C2CD2: variants seen among roughly 807,000 people sequenced by gnomAD.
C2CD2 encodes the protein C2 calcium dependent domain containing 2.
Under a neutral mutation model 74.3 loss-of-function variants are expected in C2CD2, and 43 were observed. The ratio of observed to expected loss-of-function variants is 0.58; its 90% CI spans 0.45 to 0.75. The LOEUF is 0.75. Among genes scored for constraint, C2CD2 ranks in the 30% least tolerant of loss-of-function variants. The probability of loss-of-function intolerance (pLI) is 0.00; values close to 1 mark genes in which losing one functional copy is unlikely to be tolerated. For missense variants in C2CD2, 801 were observed against 916.3 expected (o/e 0.87, Z 1.63); for synonymous variants, 422 against 390.7 (o/e 1.08, Z -0.94).
chr21:41,933,025 T>C (rs2065276301), intron 2 of C2CD2, among the ~76,000 whole-genome samples: 1 of 150,222 alleles, frequency 6.7e-6, no homozygotes, highest in South Asian at 2.1e-4. Flanking sequence ...CTCGGCCTTA[T>C]CCTTCCGATC....
chr21:41,894,286 G>T (rs1237326855), intron 13 of C2CD2, among the ~76,000 whole-genome samples: 1 of 152,166 alleles, frequency 6.6e-6, no homozygotes, highest in Non-Finnish European at 1.5e-5. Flanking sequence ...GTTGCTTTTG[G>T]TCACTGTTTT....
rs759641012 is a variant in C2CD2, at chr21:41,888,590, T to C, written c.*534A>G. 1.9e-5 allele frequency: 3 copies of C among 159,362 alleles called. No individual in the cohort carries two copies. The highest frequency in any genetic ancestry group is 2.8e-5 in the Non-Finnish European group (2 of 71,638). The allele number at this position is 159,362 out of a possible 1,614,324, so 9.9% of individuals were successfully genotyped here. A position where few individuals can be genotyped will look rare whatever the true frequency, so the allele number is the denominator to read the frequency against. On this transcript the variant is annotated 3_prime_UTR_variant, in exon 14 of 14. Coordinates refer to ENST00000380486, the MANE Select transcript of C2CD2 (RefSeq NM_015500.2). ...TCAAAATTTCTCTATTAATCCAAAA[T>C]CCTGCCTATGTTCCACTTCCCTGTA...
chr21:41,918,985 G>A, intron 3 of C2CD2, 25 bp from the exon 4 acceptor site: 2 of 1,545,818 alleles, frequency 1.3e-6, no homozygotes, highest in Non-Finnish European at 1.8e-6. Context: ...GTTATTAGAG[G>A]GCCACTCTTT....
chr21:41,911,388 CTTTTT>C (rs58934224), intron 7 of C2CD2, among the ~76,000 whole-genome samples: 2 of 116,756 alleles, frequency 1.7e-5, no homozygotes, highest in Admixed American at 8.8e-5. Flanking sequence ...TATCTCGATT[CTTTTT>C]TTTTTTTTTT....
In C2CD2 at chr21:41,916,455, C is replaced by A. The variant is rs2065091659; in HGVS notation, c.720+1650G>T. ...TTCACTGCTTGAGCCGGGAAAGGGG[C>A]CTTTTCCTGCCTTCAGACTTGGACT... On this transcript the variant is annotated intron_variant, in intron 5 of 13. Transcript: ENST00000380486. 3.3e-5 allele frequency among the ~76,000 whole-genome samples: 5 copies of A among 152,102 alleles called. No individual in the cohort carries two copies. In the South Asian group the frequency reaches 1.0e-3, roughly 32 times the overall value.
At chr21:41,898,765 G>A (rs1159952523) in intron 13 of C2CD2, among the ~76,000 whole-genome samples, 2 of 152,138 alleles carry the variant, frequency 1.3e-5, no homozygotes, top group East Asian at 1.9e-4. Context: ...GTAACCCGTC[G>A]GGAAGCCAGG....
chr21:41,889,003 G>T lies in C2CD2; in HGVS notation c.*121C>A. 1 of 745,774 alleles carries T rather than the reference G, an allele frequency of 1.3e-6. No homozygotes were observed. The highest frequency in any genetic ancestry group is 2.3e-6 in the Non-Finnish European group (1 of 435,108). The allele number at this position is 745,774 out of a possible 1,614,324, so 46.2% of individuals were successfully genotyped here. ...TTTCCCTTTAAATGACGAGATGGTT[G>T]GAAGAAACCCAGCAAGACAAGCGGG... On this transcript the variant is annotated 3_prime_UTR_variant, in exon 14 of 14. Coordinates refer to ENST00000380486, the MANE Select transcript of C2CD2 (RefSeq NM_015500.2).
intron 2 of C2CD2, among the ~76,000 whole-genome samples, chr21:41,935,845 A>G (rs1400038566): frequency 6.6e-6 from 1 of 151,868 alleles, no homozygotes; most frequent in Non-Finnish European, 1.5e-5. Flanking sequence ...CTCTGTCTCA[A>G]AAAAAAAGTC....
In C2CD2 at chr21:41,907,643, G is replaced by A. The variant is rs376272844; in HGVS notation, c.1143+17C>T. The A allele has an allele frequency of 2.7e-5, 44 of 1,602,474 alleles. No individual in the cohort carries two copies. The highest frequency in any genetic ancestry group is 5.6e-5 in the South Asian group (5 of 89,642). On this transcript the variant is annotated intron_variant, in intron 9 of 13. Transcript: ENST00000380486. Reference sequence around the variant, plus strand: ...CCCCAAGCCGGAACCCGGCCGCGGCGGACAGCCTCGCCCTACCTCTGCCGT... The same window carrying A: ...CCCCAAGCCGGAACCCGGCCGCGGCAGACAGCCTCGCCCTACCTCTGCCGT...
intron 13 of C2CD2, chr21:41,894,799 C>T (rs1450067512): frequency 2.6e-5 from 12 of 456,720 alleles, no homozygotes; most frequent in East Asian, 7.0e-5. Flanking sequence ...TTGGGGTAAA[C>T]GATGCAGGGA....
In C2CD2 at chr21:41,918,109, G is replaced by A. The variant is rs550836534; in HGVS notation, c.716C>T (p.Ala239Val). ...LITKPTTVKE[A>V]QNLQCAASTA... ...ACAGCACCCAGATGAGTTTACCTGA[G>A]CTTCCTTTACAGTCGTGGGCTTGGT... The change falls in exon 5 of 14, where the codon GCT (alanine) becomes GTT (valine). Residue 239 changes from alanine to valine, a missense_variant. By Grantham distance (64) the Ala-to-Val change is moderately conservative. Transcript: ENST00000380486. The A allele has an allele frequency of 3.1e-5, 50 of 1,614,174 alleles. No homozygotes were observed. Among genetic ancestry groups the A allele is most frequent in the Non-Finnish European group, 3.7e-5 (44 of 1,180,022 alleles).
chr21:41,919,862 C>A (rs1204655360), intron 3 of C2CD2, among the ~76,000 whole-genome samples: 1 of 152,160 alleles, frequency 6.6e-6, no homozygotes, highest in African/African-American at 2.4e-5. Flanking sequence ...GCAGGTGCGA[C>A]AGGGAGAGGA....
In C2CD2 at chr21:41,895,590, G is replaced by A. The variant is rs1271935552; in HGVS notation, c.1870+3463C>T. Among the ~76,000 whole-genome samples, 3 of 152,146 alleles carry A rather than the reference G, an allele frequency of 2.0e-5. No homozygotes were observed. The highest frequency in any genetic ancestry group is 4.4e-5 in the Non-Finnish European group (3 of 68,024). ...GAGGCAAGTAACCAAGATTTTAAAT[G>A]GGAGACAGGGAGAAGAAGAAAAGTC... On this transcript the variant is annotated intron_variant, in intron 13 of 13. Transcript: ENST00000380486. The surrounding 1 kb of genome is among the most constrained non-coding windows in gnomAD (Gnocchi z 5.0).
chr21:41,950,451 C>A (rs1243719073), intron 1 of C2CD2, among the ~76,000 whole-genome samples: 3 of 152,214 alleles, frequency 2.0e-5, no homozygotes, highest in Non-Finnish European at 4.4e-5. Context: ...AGGTCCCCTG[C>A]AATACGGGGA....
intron 6 of C2CD2, 106 bp from the exon 7 acceptor site, chr21:41,912,546 A>G: frequency 6.7e-6 from 3 of 448,362 alleles, no homozygotes. Context: ...GCTGGAGTGC[A>G]GTGGCGCAAT....
chr21:41,929,169 G>A lies in C2CD2; in HGVS notation c.379-7084C>T, dbSNP rs2065242525. 6.6e-6 allele frequency among the ~76,000 whole-genome samples: 1 copy of A among 152,088 alleles called. No homozygotes were observed. On this transcript the variant is annotated intron_variant, in intron 2 of 13. Coordinates refer to ENST00000380486, the MANE Select transcript of C2CD2 (RefSeq NM_015500.2). This position sits in a 1 kb window ranked among gnomAD's most constrained non-coding sequence, Gnocchi z 4.6. ...AATGGCATGGTTTATTTTGTGCTGT[G>A]GTTGGAGCTAGATTCTGGAGGCCAA... is the stretch of plus-strand genomic sequence containing the variant.
At chr21:41,941,048 T>C (rs2065350399) in intron 2 of C2CD2, among the ~76,000 whole-genome samples, 1 of 151,956 alleles carries the variant, frequency 6.6e-6, no homozygotes, top group African/African-American at 2.4e-5. Context: ...AAGGGTAAGA[T>C]TTGTATTGAA....
At chr21:41,919,843 G>A (rs567217400) in intron 3 of C2CD2, among the ~76,000 whole-genome samples, 1 of 152,342 alleles carries the variant, frequency 6.6e-6, no homozygotes, top group South Asian at 2.1e-4. Flanking sequence ...ACAGGGCACA[G>A]GAGACTTGGC....
chr21:41,923,255 A>T lies in C2CD2; in HGVS notation c.379-1170T>A, dbSNP rs1301783646. ...TGATCCGCCCACCTCGGCCTTCCAAAGTGCTAGGATTACAGGCATGAGCCA... is the reference window on the plus strand; with the variant it reads ...TGATCCGCCCACCTCGGCCTTCCAATGTGCTAGGATTACAGGCATGAGCCA... On this transcript the variant is annotated intron_variant, in intron 2 of 13. Transcript: ENST00000380486. This position sits in a 1 kb window ranked among gnomAD's most constrained non-coding sequence, Gnocchi z 5.8. Among the ~76,000 whole-genome samples, 1 of 152,102 alleles carries T rather than the reference A, an allele frequency of 6.6e-6. No homozygotes were observed. The highest frequency in any genetic ancestry group is 2.4e-5 in the African/African-American group (1 of 41,416).
Sources: allele counts gnomAD v4.1 joint callset (sites outside exome capture counted in the v4.1 genomes callset), GRCh38; gene constraint gnomAD v4.1.1; non-coding constraint Gnocchi (gnomAD v3.1); transcripts MANE v1.5; gene names NCBI Gene and HGNC (gene_info 2026-07-23, HGNC 2026-07-21).